HS3ST4: variants seen among roughly 807,000 people sequenced by gnomAD.
The protein encoded by HS3ST4 is heparan sulfate-glucosamine 3-sulfotransferase 4.
HS3ST4 carries 17 observed loss-of-function variants against 29.2 expected under a neutral mutation model. The ratio of observed to expected loss-of-function variants is 0.58; its 90% CI spans 0.40 to 0.87. The LOEUF (loss-of-function observed/expected upper bound fraction) is 0.87, where lower values mean the gene tolerates loss of function less well. HS3ST4 is among the 40% of genes least tolerant of loss of function. HS3ST4 has a pLI of 0.00. For synonymous variants in HS3ST4, 314 were observed against 285.7 expected (o/e 1.10, Z -1.00); for missense variants, 627 against 634.5 (o/e 0.99, Z 0.13).
At chr16:25,759,218 A>G (rs557740706) in intron 1 of HS3ST4, among the ~76,000 whole-genome samples, 18 of 152,340 alleles carry the variant, frequency 1.2e-4, no homozygotes, top group African/African-American at 4.3e-4. Flanking sequence ...ACTAAAAATT[A>G]CAATAGCTTG....
At chr16:25,872,896 GT>G (rs1245244539) in intron 1 of HS3ST4, among the ~76,000 whole-genome samples, 5 of 152,022 alleles carry the variant, frequency 3.3e-5, no homozygotes, top group African/African-American at 1.2e-4. Context: ...GTTTTGTTTT[GT>G]TTTGTTTTGT....
Position 25,801,405 on chromosome 16 carries a change from C to T in HS3ST4, c.734+108254C>T, listed in dbSNP as rs568250749. Among the ~76,000 whole-genome samples the T allele has an allele frequency of 2.6e-5, 4 of 152,260 alleles. No homozygotes were observed. In the South Asian group the frequency reaches 8.3e-4, roughly 32 times the overall value. ...ATTCTTGCTCCTGTATGTCTGTGTACTTGTGCAAGTCTTTCTGTGAGGCAG... is the reference window on the plus strand; with the variant it reads ...ATTCTTGCTCCTGTATGTCTGTGTATTTGTGCAAGTCTTTCTGTGAGGCAG... On this transcript the variant is annotated intron_variant, in intron 1 of 1. Coordinates refer to ENST00000331351, the MANE Select transcript of HS3ST4 (RefSeq NM_006040.3).
At chr16:26,033,017 T>C (rs1231188961) in intron 1 of HS3ST4, among the ~76,000 whole-genome samples, 1 of 152,048 alleles carries the variant, frequency 6.6e-6, no homozygotes, top group Non-Finnish European at 1.5e-5. Context: ...TTTACATCCA[T>C]GGGAGGGTAT....
At chr16:26,058,501 A>G (rs2141769845) in intron 1 of HS3ST4, among the ~76,000 whole-genome samples, 1 of 152,300 alleles carries the variant, frequency 6.6e-6, no homozygotes, top group East Asian at 1.9e-4. Flanking sequence ...CAGGCACAGC[A>G]GGAGGTGAAC....
intron 1 of HS3ST4, among the ~76,000 whole-genome samples, chr16:25,945,810 C>T (rs1010229239): frequency 6.6e-6 from 1 of 152,148 alleles, no homozygotes; most frequent in African/African-American, 2.4e-5. Flanking sequence ...CCCACCTTTC[C>T]ATTCCACCTT....
chr16:25,737,831 TG>T, intron 1 of HS3ST4, among the ~76,000 whole-genome samples: 1 of 152,110 alleles, frequency 6.6e-6, no homozygotes, highest in East Asian at 1.9e-4. Context: ...TAGCAGCATC[TG>T]GGCAGCAAAA....
chr16:25,867,744 A>G (rs1009203217), intron 1 of HS3ST4, among the ~76,000 whole-genome samples: 1 of 152,160 alleles, frequency 6.6e-6, no homozygotes, highest in East Asian at 1.9e-4. Context: ...TTGAAGGAAT[A>G]TTGACATCAT....
intron 1 of HS3ST4, among the ~76,000 whole-genome samples, chr16:25,877,238 T>A (rs35384311): frequency 0.36 from 55,228 of 151,882 alleles, 10,245 homozygotes; most frequent in East Asian, 0.53. Flanking sequence ...ACCCAGAATC[T>A]GTGAATGTGA....
chr16:25,920,596 G>GCC (rs760011689), intron 1 of HS3ST4, among the ~76,000 whole-genome samples: 1,374 of 117,444 alleles, frequency 0.012, 44 homozygotes, highest in African/African-American at 0.038. Flanking sequence ...CCTCACTGCC[G>GCC]CCCCCACCCC....
intron 1 of HS3ST4, among the ~76,000 whole-genome samples, chr16:26,006,997 A>G (rs1303961105): frequency 6.6e-6 from 1 of 152,250 alleles, no homozygotes; most frequent in Non-Finnish European, 1.5e-5. Context: ...AGGGTTGGTT[A>G]GATCAGATCT....
At chr16:26,043,561 G>T (rs1327477435) in intron 1 of HS3ST4, among the ~76,000 whole-genome samples, 2 of 152,188 alleles carry the variant, frequency 1.3e-5, no homozygotes, top group Non-Finnish European at 2.9e-5. Flanking sequence ...TTCTAGTGAG[G>T]ATTAAGTGAG....
intron 1 of HS3ST4, among the ~76,000 whole-genome samples, chr16:25,916,652 G>A (rs1415905300): frequency 6.7e-5 from 10 of 148,530 alleles, no homozygotes; most frequent in Admixed American, 4.1e-4. Flanking sequence ...ATGAGCCACC[G>A]TGCCCAGCCT....
intron 1 of HS3ST4, among the ~76,000 whole-genome samples, chr16:25,855,332 A>G (rs1394072845): frequency 1.3e-5 from 2 of 152,178 alleles, no homozygotes; most frequent in South Asian, 2.1e-4. Flanking sequence ...TGGACTTTAA[A>G]GGTGTCAGAC....
chr16:26,109,718 GTTTT>G, intron 1 of HS3ST4, among the ~76,000 whole-genome samples: 1 of 147,262 alleles, frequency 6.8e-6, no homozygotes, highest in African/African-American at 2.5e-5. Flanking sequence ...TATACTCACT[GTTTT>G]TTTTTTTTTC....
At chr16:25,701,907 A>G (rs1416419603) in intron 1 of HS3ST4, among the ~76,000 whole-genome samples, 4 of 152,244 alleles carry the variant, frequency 2.6e-5, no homozygotes, top group Non-Finnish European at 5.9e-5. Context: ...AATACAGGCA[A>G]ATGAGAAAAA....
intron 1 of HS3ST4, among the ~76,000 whole-genome samples, chr16:25,901,603 G>A (rs923068091): frequency 1.3e-5 from 2 of 152,190 alleles, no homozygotes; most frequent in South Asian, 4.1e-4. Context: ...GAACCCAGGA[G>A]GCAGAGGTTG....
intron 1 of HS3ST4, among the ~76,000 whole-genome samples, chr16:25,716,061 C>T (rs1424509162): frequency 2.0e-5 from 3 of 152,218 alleles, no homozygotes; most frequent in African/African-American, 2.4e-5. Flanking sequence ...AGAAGGGTCA[C>T]ATCTGGTGTG....
At chr16:25,766,124 C>T (rs1259646488) in intron 1 of HS3ST4, among the ~76,000 whole-genome samples, 1 of 151,920 alleles carries the variant, frequency 6.6e-6, no homozygotes, top group East Asian at 1.9e-4. Context: ...AAATAGGCAC[C>T]ATCATCTAGT....
intron 1 of HS3ST4, among the ~76,000 whole-genome samples, chr16:25,926,987 G>A (rs938562322): frequency 3.9e-5 from 6 of 152,118 alleles, no homozygotes; most frequent in Non-Finnish European, 7.4e-5. Flanking sequence ...GCTTGAACCC[G>A]GGAGGTGGAG....
Sources: gnomAD v4.1 joint callset for allele counts (sites outside exome capture counted in the v4.1 genomes callset) on GRCh38, gnomAD v4.1.1 for gene constraint, MANE v1.5 for transcripts, NCBI Gene and HGNC (gene_info 2026-07-23, HGNC 2026-07-21) for gene names.